FHIT: variants seen among roughly 807,000 people sequenced by gnomAD.
FHIT encodes the protein bis(5'-adenosyl)-triphosphatase.
FHIT carries 19 observed loss-of-function variants against 17.9 expected under a neutral mutation model. The observed-to-expected ratio is 1.06, with a 90% CI of 0.74 to 1.56. FHIT has a LOEUF of 1.56. FHIT is among the 40% of genes most tolerant of loss of function. The pLI, the probability that FHIT is intolerant of heterozygous loss-of-function variation, is 0.00. For synonymous variants in FHIT, 81 were observed against 69.7 expected (o/e 1.16, Z -0.81); for missense variants, 248 against 189.2 (o/e 1.31, Z -1.82).
chr3:60,289,422 C>A (rs906469434), intron 5 of FHIT, among the ~76,000 whole-genome samples: 1 of 152,110 alleles, frequency 6.6e-6, no homozygotes, highest in Admixed American at 6.5e-5. Context: ...AATATCCATT[C>A]CATGGCTCAA....
chr3:60,896,604 TC>T (rs1330961150), intron 3 of FHIT, among the ~76,000 whole-genome samples: 1 of 152,210 alleles, frequency 6.6e-6, no homozygotes, highest in Non-Finnish European at 1.5e-5. Flanking sequence ...AAGATTTCTT[TC>T]CAGTACTTCT....
chr3:59,989,637 G>C (rs999703671), intron 7 of FHIT, among the ~76,000 whole-genome samples: 3 of 152,024 alleles, frequency 2.0e-5, no homozygotes, highest in East Asian at 1.9e-4. Context: ...AACAGGAAGA[G>C]AGCAGATCTC....
intron 2 of FHIT, among the ~76,000 whole-genome samples, chr3:61,112,672 C>T (rs547312885): frequency 6.6e-6 from 1 of 152,226 alleles, no homozygotes; most frequent in Non-Finnish European, 1.5e-5. Context: ...TGCACACAGG[C>T]TGAAGGCAAT....
chr3:60,973,436 G>A (rs1710108030), intron 3 of FHIT, among the ~76,000 whole-genome samples: 1 of 152,074 alleles, frequency 6.6e-6, no homozygotes, highest in South Asian at 2.1e-4. Context: ...CTCCCTGGGA[G>A]TGTACAAAAA....
At chr3:60,565,412 A>C (rs1200439199) in intron 4 of FHIT, among the ~76,000 whole-genome samples, 1 of 152,144 alleles carries the variant, frequency 6.6e-6, no homozygotes, top group Non-Finnish European at 1.5e-5. Flanking sequence ...AGAATTCATA[A>C]ACAATACAAC....
intron 7 of FHIT, among the ~76,000 whole-genome samples, chr3:59,974,186 A>G (rs1160045022): frequency 6.6e-6 from 1 of 152,134 alleles, no homozygotes; most frequent in African/African-American, 2.4e-5. Context: ...CTATTAGGCC[A>G]AGTTGTACCC....
intron 4 of FHIT, among the ~76,000 whole-genome samples, chr3:60,745,693 T>C (rs546715525): frequency 6.6e-6 from 1 of 152,256 alleles, no homozygotes; most frequent in African/African-American, 2.4e-5. Context: ...AGAGGTGATG[T>C]AGCCACATTG....
intron 5 of FHIT, among the ~76,000 whole-genome samples, chr3:60,428,296 A>G (rs998234490): frequency 3.3e-5 from 5 of 152,148 alleles, no homozygotes; most frequent in Non-Finnish European, 7.4e-5. Flanking sequence ...CTATTGTATT[A>G]CATGTAAAGG....
intron 3 of FHIT, among the ~76,000 whole-genome samples, chr3:60,933,561 T>C (rs1464374016): frequency 6.6e-6 from 1 of 152,210 alleles, no homozygotes; most frequent in African/African-American, 2.4e-5. Flanking sequence ...CAGGTAAGCC[T>C]CAAAAGCGGG....
In FHIT at chr3:60,095,941, C is replaced by T. The variant is rs114652221; in HGVS notation, c.104-81789G>A. Among the ~76,000 whole-genome samples the T allele has an allele frequency of 2.9e-3, 443 of 152,276 alleles. 3 individuals are homozygous for T. The highest frequency in any genetic ancestry group is 4.8e-3 in the Non-Finnish European group (325 of 68,008). On this transcript the variant is annotated intron_variant, in intron 5 of 9. Coordinates refer to ENST00000492590, the MANE Select transcript of FHIT (RefSeq NM_002012.4). ...ATCCTGGGCTGTGTATATTCTTCCA[C>T]GTCACCTCCCCAGGTGGCTGGCTTT...
At chr3:60,176,785 G>A (rs1046800108) in intron 5 of FHIT, among the ~76,000 whole-genome samples, 3 of 152,172 alleles carry the variant, frequency 2.0e-5, no homozygotes, top group African/African-American at 4.8e-5. Context: ...AATGAAAAGA[G>A]CTGCGTCAAT....
chr3:60,311,268 T>C (rs978798675), intron 5 of FHIT, among the ~76,000 whole-genome samples: 1 of 152,080 alleles, frequency 6.6e-6, no homozygotes, highest in Non-Finnish European at 1.5e-5. Context: ...TGTGTGTGTG[T>C]GTTTCATTTT....
At chr3:61,117,902 G>C (rs1252416400) in intron 2 of FHIT, among the ~76,000 whole-genome samples, 1 of 152,148 alleles carries the variant, frequency 6.6e-6, no homozygotes, top group African/African-American at 2.4e-5. Context: ...CCGAACGAAT[G>C]AACAAAGCTG....
At chr3:60,066,936 G>T (rs1229132897) in intron 5 of FHIT, among the ~76,000 whole-genome samples, 1 of 151,968 alleles carries the variant, frequency 6.6e-6, no homozygotes, top group Non-Finnish European at 1.5e-5. Flanking sequence ...GAGCCACTGC[G>T]CCTGACAGAC....
At chr3:60,813,415 C>A (rs1297747909) in intron 4 of FHIT, among the ~76,000 whole-genome samples, 1 of 152,010 alleles carries the variant, frequency 6.6e-6, no homozygotes, top group African/African-American at 2.4e-5. Flanking sequence ...AAGGCACCAA[C>A]CAGCATAGGC....
At chr3:60,541,250 G>A (rs2036176737) in intron 4 of FHIT, among the ~76,000 whole-genome samples, 1 of 152,112 alleles carries the variant, frequency 6.6e-6, no homozygotes, top group Non-Finnish European at 1.5e-5. Context: ...TTTATTCCTT[G>A]GGATCATATA....
intron 2 of FHIT, among the ~76,000 whole-genome samples, chr3:61,070,780 A>C (rs1659593430): frequency 6.6e-6 from 1 of 152,184 alleles, no homozygotes; most frequent in African/African-American, 2.4e-5. Flanking sequence ...ATCCCTAACA[A>C]GTGCCCAGTC....
intron 7 of FHIT, among the ~76,000 whole-genome samples, chr3:59,944,508 T>C (rs1706697074): frequency 2.8e-5 from 2 of 70,240 alleles, no homozygotes; most frequent in South Asian, 4.3e-4. Context: ...TATTAAACAT[T>C]TTTTTCTTTT....
rs115190189 is a variant in FHIT, at chr3:61,030,065, A to G, written c.-111+11982T>C. 2.8e-3 allele frequency among the ~76,000 whole-genome samples: 432 copies of G among 152,142 alleles called. 4 individuals carry two copies. The highest frequency in any genetic ancestry group is 9.7e-3 in the African/African-American group (402 of 41,508). On this transcript the variant is annotated intron_variant, in intron 3 of 9. Coordinates refer to ENST00000492590, the MANE Select transcript of FHIT (RefSeq NM_002012.4). Reference sequence around the variant, plus strand: ...GCTAACTGCAACCTTTGCGTCCCAGACTCAGGTGATCCTCCTACCTCAGCC... The same window carrying G: ...GCTAACTGCAACCTTTGCGTCCCAGGCTCAGGTGATCCTCCTACCTCAGCC...
Sources: allele counts gnomAD v4.1 joint callset (sites outside exome capture counted in the v4.1 genomes callset), GRCh38; gene constraint gnomAD v4.1.1; transcripts MANE v1.5; gene names NCBI Gene and HGNC (gene_info 2026-07-23, HGNC 2026-07-21).